The following GSK3B variants were observed in gnomAD, a reference collection of about 807,000 sequenced individuals.
GSK3B encodes glycogen synthase kinase 3 beta.
Under a neutral mutation model 56.4 loss-of-function variants are expected in GSK3B, and 15 were observed. The observed-to-expected ratio is 0.27, with a 90% CI of 0.18 to 0.41. GSK3B has a LOEUF of 0.41. Among genes scored for constraint, GSK3B ranks in the 10% least tolerant of loss-of-function variants. GSK3B has a pLI of 1.00. For missense variants in GSK3B, 300 were observed against 513.4 expected (o/e 0.58, Z 4.02); for synonymous variants, 181 against 188.9 (o/e 0.96, Z 0.34).
In GSK3B at chr3:119,826,334, C is replaced by T. The variant is rs778799438; in HGVS notation, c.*454G>A. ...GAGTTATACCTGCTAAGCTCCCAAC[C>T]AATTTCAAGCTGTGCACTATACCAA... On this transcript the variant is annotated 3_prime_UTR_variant, in exon 11 of 11. Coordinates refer to ENST00000264235, the MANE Select transcript of GSK3B (RefSeq NM_001146156.2). The T allele has an allele frequency of 7.4e-5, 24 of 323,276 alleles. No homozygotes were observed. Among genetic ancestry groups the T allele is most frequent in the Admixed American group, 2.3e-4 (5 of 21,406 alleles). The allele number at this position is 323,276 out of a possible 1,614,324, so 20.0% of individuals were successfully genotyped here.
intron 2 of GSK3B, among the ~76,000 whole-genome samples, chr3:119,960,325 T>C (rs2057259482): frequency 6.6e-6 from 1 of 151,952 alleles, no homozygotes. Flanking sequence ...GAGAAGTCAA[T>C]GTGGTTATAA....
chr3:119,926,220 C>G (rs1451726676), intron 3 of GSK3B, among the ~76,000 whole-genome samples: 1 of 152,014 alleles, frequency 6.6e-6, no homozygotes, highest in Non-Finnish European at 1.5e-5. Context: ...TACTAGACCT[C>G]TGCCCTTAAC....
chr3:119,983,592 A>G (rs2057485001), intron 2 of GSK3B, among the ~76,000 whole-genome samples: 1 of 152,202 alleles, frequency 6.6e-6, no homozygotes, highest in Admixed American at 6.5e-5. Flanking sequence ...TAAACCAACA[A>G]AGATCAAAGA....
chr3:119,931,426 G>A (rs2056944242), intron 3 of GSK3B, among the ~76,000 whole-genome samples: 1 of 152,086 alleles, frequency 6.6e-6, no homozygotes, highest in Admixed American at 6.6e-5. Context: ...CACCAGCCTG[G>A]GCAACATGGC....
chr3:119,985,366 G>A (rs1052707793), intron 2 of GSK3B, among the ~76,000 whole-genome samples: 2 of 152,116 alleles, frequency 1.3e-5, no homozygotes, highest in South Asian at 2.1e-4. Context: ...GAAATAAAGG[G>A]CATTCAATTA....
At chr3:119,990,756 C>T (rs1454549571) in intron 2 of GSK3B, among the ~76,000 whole-genome samples, 1 of 152,012 alleles carries the variant, frequency 6.6e-6, no homozygotes, top group African/African-American at 2.4e-5. Context: ...TGGTGAAACC[C>T]CATCTCTACT....
chr3:119,914,423 C>G (rs1224040407), intron 5 of GSK3B, among the ~76,000 whole-genome samples: 9 of 151,988 alleles, frequency 5.9e-5, no homozygotes, highest in Non-Finnish European at 1.3e-4. Flanking sequence ...TGGGCTGTAC[C>G]AAGTGTTTTG....
intron 10 of GSK3B, among the ~76,000 whole-genome samples, chr3:119,835,240 G>A (rs552058316): frequency 6.6e-6 from 1 of 152,334 alleles, no homozygotes; most frequent in South Asian, 2.1e-4. Context: ...TACTGACAGT[G>A]GGGAGTATGA....
chr3:120,030,119 C>G (rs182100954), intron 1 of GSK3B, among the ~76,000 whole-genome samples: 108 of 152,222 alleles, frequency 7.1e-4, no homozygotes, highest in Admixed American at 1.6e-3. Context: ...TATTTCAGAA[C>G]CATTATATTT....
chr3:120,088,960 T>C (rs984345612), intron 1 of GSK3B, among the ~76,000 whole-genome samples: 3 of 152,230 alleles, frequency 2.0e-5, no homozygotes, highest in African/African-American at 7.2e-5. Context: ...ATGCATAAAG[T>C]GCACACACAA....
intron 3 of GSK3B, among the ~76,000 whole-genome samples, chr3:119,945,620 C>T (rs901215345): frequency 2.4e-4 from 37 of 152,162 alleles, no homozygotes; most frequent in Admixed American, 2.0e-4. Flanking sequence ...TGCATTCAAA[C>T]GGTTTGATAG....
intron 9 of GSK3B, among the ~76,000 whole-genome samples, chr3:119,855,021 A>G (rs1374710245): frequency 6.6e-6 from 1 of 152,116 alleles, no homozygotes; most frequent in African/African-American, 2.4e-5. Context: ...TAGGGTGTCA[A>G]TTTTAGATCT....
intron 7 of GSK3B, among the ~76,000 whole-genome samples, chr3:119,878,293 C>G (rs898800954): frequency 5.3e-5 from 8 of 151,946 alleles, no homozygotes; most frequent in Non-Finnish European, 8.8e-5. Flanking sequence ...CAAACCAATA[C>G]AAATCAGTAA....
At chr3:120,074,446 G>T (rs1464862710) in intron 1 of GSK3B, among the ~76,000 whole-genome samples, 1 of 151,532 alleles carries the variant, frequency 6.6e-6, no homozygotes, top group Non-Finnish European at 1.5e-5. Context: ...CCACCTCCCG[G>T]GTTCAAGCGA....
At chr3:119,873,806 G>A (rs1241653063) in intron 8 of GSK3B, among the ~76,000 whole-genome samples, 1 of 152,072 alleles carries the variant, frequency 6.6e-6, no homozygotes, top group Non-Finnish European at 1.5e-5. Flanking sequence ...ATGCACAAAT[G>A]AGGAACCAAC....
At chr3:119,967,828 T>TTCTCTTTC (rs1299544417) in intron 2 of GSK3B, among the ~76,000 whole-genome samples, 1 of 96,014 alleles carries the variant, frequency 1.0e-5, no homozygotes, top group East Asian at 2.6e-4. Context: ...CTTTCTCTCT[T>TTCTCTTTC]TCTCTTTCTC....
intron 7 of GSK3B, among the ~76,000 whole-genome samples, chr3:119,899,692 AAAAAC>A (rs1402218946): frequency 6.6e-6 from 1 of 152,158 alleles, no homozygotes; most frequent in Non-Finnish European, 1.5e-5. Flanking sequence ...GTTTACTAAC[AAAAAC>A]AAAAAATTGA....
Position 119,826,801 on chromosome 3 carries a change from G to C in GSK3B, c.1250C>G (p.Ser417Cys), listed in dbSNP as rs1194528845. 1.2e-6 allele frequency: 2 copies of C among 1,612,250 alleles called. No homozygotes were observed. Among genetic ancestry groups the C allele is most frequent in the Admixed American group, 3.3e-5 (2 of 60,016 alleles). The change falls in exon 11 of 11, where the codon TCC becomes TGC. Residue 417 changes from serine (S) to cysteine (C), a missense_variant. Ser to Cys is a moderately radical substitution (Grantham distance 112). Transcript: ENST00000264235. ...GCTCGGGACTGTTCAGGTGGAGTTG[G>C]AAGCTGATGCAGAAGCAGCATTATT... ...QTNNAASASA[S>C]NST is the part of the protein sequence containing the mutation.
intron 2 of GSK3B, among the ~76,000 whole-genome samples, chr3:119,958,926 C>G (rs1305737692): frequency 1.3e-5 from 2 of 152,048 alleles, no homozygotes; most frequent in Non-Finnish European, 2.9e-5. Context: ...TCAGGAGAAA[C>G]TAGAAACGGG....
Sources: allele counts gnomAD v4.1 joint callset (sites outside exome capture counted in the v4.1 genomes callset), GRCh38; gene constraint gnomAD v4.1.1; transcripts MANE v1.5; gene names NCBI Gene and HGNC (gene_info 2026-07-23, HGNC 2026-07-21).